Variants in CACNA2D3 observed in about 807,000 individuals in gnomAD.
CACNA2D3 encodes the protein voltage-dependent calcium channel subunit alpha-2/delta-3.
A neutral mutation model predicts 160.6 loss-of-function variants in CACNA2D3; 60 were observed. The ratio of observed to expected loss-of-function variants is 0.37; its 90% CI spans 0.30 to 0.46. The LOEUF is 0.46. Ranked by LOEUF, CACNA2D3 falls within the 20% of genes least tolerant of loss-of-function variation. The pLI is 1.00. For synonymous variants in CACNA2D3, 558 were observed against 492.9 expected (o/e 1.13, Z -1.75); for missense variants, 1,205 against 1,365.0 (o/e 0.88, Z 1.85).
intron 11 of CACNA2D3, among the ~76,000 whole-genome samples, chr3:54,648,438 G>A (rs924179679): frequency 1.3e-5 from 2 of 152,164 alleles, no homozygotes; most frequent in African/African-American, 4.8e-5. Context: ...AGCCCTTTAA[G>A]AATATGGTTT....
chr3:54,516,770 A>G (rs1701558090), intron 5 of CACNA2D3, among the ~76,000 whole-genome samples: 1 of 152,166 alleles, frequency 6.6e-6, no homozygotes, highest in South Asian at 2.1e-4. Flanking sequence ...TTGGATCAGA[A>G]CTGACTTTCA....
In CACNA2D3 at chr3:54,701,122, A is replaced by G. The variant is rs146560288; in HGVS notation, c.1168-51477A>G. 6.4e-3 allele frequency among the ~76,000 whole-genome samples: 976 copies of G among 152,318 alleles called. 16 individuals carry two copies. Among genetic ancestry groups the G allele is most frequent in the African/African-American group, 0.022 (909 of 41,570 alleles). On this transcript the variant is annotated intron_variant, in intron 11 of 37. Coordinates refer to ENST00000474759, the MANE Select transcript of CACNA2D3 (RefSeq NM_018398.3). ...TGCCTCTGATTCCTAAAAGAAACCAATTTGGCCACTGATCTGAAGTTTCTT... is the reference window on the plus strand; with the variant it reads ...TGCCTCTGATTCCTAAAAGAAACCAGTTTGGCCACTGATCTGAAGTTTCTT...
At chr3:54,599,348 C>T (rs933673561) in intron 9 of CACNA2D3, among the ~76,000 whole-genome samples, 4 of 152,166 alleles carry the variant, frequency 2.6e-5, no homozygotes, top group Admixed American at 1.3e-4. Flanking sequence ...CATATTAAAT[C>T]GCTATTTTTG....
chr3:54,310,314 G>A (rs1265463744), intron 2 of CACNA2D3, among the ~76,000 whole-genome samples: 1 of 152,086 alleles, frequency 6.6e-6, no homozygotes, highest in Non-Finnish European at 1.5e-5. Flanking sequence ...TAATTGCTTT[G>A]GAGTATTGTG....
chr3:54,823,356 A>T (rs532727700), intron 14 of CACNA2D3, among the ~76,000 whole-genome samples: 106 of 152,146 alleles, frequency 7.0e-4, no homozygotes, highest in Admixed American at 1.0e-3. Context: ...AAGTAAAAAC[A>T]ATATTACATT....
intron 5 of CACNA2D3, among the ~76,000 whole-genome samples, chr3:54,534,971 C>T (rs34394725): frequency 0.052 from 7,922 of 152,218 alleles, 291 homozygotes; most frequent in Non-Finnish European, 0.075. Context: ...CTATCTTCTC[C>T]GTCATTCCCA....
chr3:54,135,184 GT>G (rs1699793165), intron 2 of CACNA2D3, among the ~76,000 whole-genome samples: 1 of 152,126 alleles, frequency 6.6e-6, no homozygotes, highest in South Asian at 2.1e-4. Context: ...TGCTTCTTTA[GT>G]TTGTTTATTT....
chr3:54,599,112 AT>A (rs1327356934), intron 9 of CACNA2D3, among the ~76,000 whole-genome samples: 1 of 152,136 alleles, frequency 6.6e-6, no homozygotes, highest in Non-Finnish European at 1.5e-5. Context: ...TGGCTGTTAT[AT>A]TTATAACTGA....
At chr3:54,384,396 TC>T (rs1434241390) in intron 3 of CACNA2D3, among the ~76,000 whole-genome samples, 1 of 152,202 alleles carries the variant, frequency 6.6e-6, no homozygotes, top group East Asian at 1.9e-4. Context: ...AAATTCTAAA[TC>T]TGTTACAAAG....
At chr3:54,425,483 G>C (rs1699899530) in intron 4 of CACNA2D3, among the ~76,000 whole-genome samples, 1 of 152,174 alleles carries the variant, frequency 6.6e-6, no homozygotes, top group East Asian at 1.9e-4. Context: ...AAAGCACCAG[G>C]CTTAAAATTG....
intron 3 of CACNA2D3, among the ~76,000 whole-genome samples, chr3:54,368,599 T>C (rs1211385972): frequency 1.3e-5 from 2 of 152,022 alleles, no homozygotes; most frequent in East Asian, 3.9e-4. Context: ...TCATGTAAAC[T>C]TGAATTTCCA....
chr3:54,486,955 G>C (rs965789861), intron 4 of CACNA2D3, among the ~76,000 whole-genome samples: 1 of 152,194 alleles, frequency 6.6e-6, no homozygotes, highest in Admixed American at 6.5e-5. Context: ...AGAGAGAAAT[G>C]CTGCTTAGAT....
intron 3 of CACNA2D3, among the ~76,000 whole-genome samples, chr3:54,354,553 G>A (rs547283390): frequency 6.6e-6 from 1 of 152,158 alleles, no homozygotes; most frequent in Non-Finnish European, 1.5e-5. Context: ...GTGTCTCTGG[G>A]TCTCTTTCTT....
chr3:54,840,403 CTTTTTTTTTTT>C (rs1174129020), intron 16 of CACNA2D3, among the ~76,000 whole-genome samples: 1 of 73,448 alleles, frequency 1.4e-5, no homozygotes, highest in African/African-American at 5.6e-5. Flanking sequence ...AGAACCATGT[CTTTTTTTTTTT>C]TTTTTTTTTT....
intron 27 of CACNA2D3, among the ~76,000 whole-genome samples, chr3:54,916,439 G>T (rs1361800950): frequency 5.9e-5 from 9 of 152,116 alleles, no homozygotes. Context: ...AGAGCTGATG[G>T]GTCAGCAGGC....
intron 2 of CACNA2D3, among the ~76,000 whole-genome samples, chr3:54,278,229 A>G (rs1016644915): frequency 4.6e-5 from 7 of 152,250 alleles, no homozygotes; most frequent in Admixed American, 1.3e-4. Flanking sequence ...GCCAACAAAC[A>G]TATGAAAAAA....
intron 27 of CACNA2D3, among the ~76,000 whole-genome samples, chr3:54,948,354 G>C (rs1006634655): frequency 3.3e-5 from 5 of 152,136 alleles, no homozygotes; most frequent in Non-Finnish European, 7.4e-5. Context: ...CTTGATAATT[G>C]TCATTAGAAA....
At chr3:54,275,228 C>G (rs762309024) in intron 2 of CACNA2D3, among the ~76,000 whole-genome samples, 35 of 152,202 alleles carry the variant, frequency 2.3e-4, no homozygotes, top group Non-Finnish European at 4.7e-4. Flanking sequence ...TTCTTGGCAG[C>G]CTCTGCCCCG....
rs528251923 is a variant in CACNA2D3 at position 54,262,446 on chromosome 3, C to G, written c.205-57996C>G. Among the ~76,000 whole-genome samples the G allele has an allele frequency of 2.6e-5, 4 of 152,148 alleles. No homozygotes were observed. The South Asian group carries it at 8.3e-4, about 32-fold the overall frequency. On this transcript the variant is annotated intron_variant, in intron 2 of 37. Transcript: ENST00000474759. Reference sequence around the variant, plus strand: ...AGGTCGAAGGCAGGCATTTATTCCTCTGCATCACAAATATCTATAATTTAA... The same window carrying G: ...AGGTCGAAGGCAGGCATTTATTCCTGTGCATCACAAATATCTATAATTTAA...
Sources: gnomAD v4.1 joint callset for allele counts (sites outside exome capture counted in the v4.1 genomes callset) on GRCh38, gnomAD v4.1.1 for gene constraint, MANE v1.5 for transcripts, NCBI Gene and HGNC (gene_info 2026-07-23, HGNC 2026-07-21) for gene names.